YWHAH: variants seen among roughly 807,000 people sequenced by gnomAD.
YWHAH encodes the protein 14-3-3 protein eta.
Under a neutral mutation model 22.9 loss-of-function variants are expected in YWHAH, and 6 were observed. That is an observed-to-expected ratio of 0.26 (90% CI 0.14 to 0.52). YWHAH has a LOEUF of 0.52. Among genes scored for constraint, YWHAH ranks in the 20% least tolerant of loss-of-function variants. The pLI is 0.97. For synonymous variants in YWHAH, 135 were observed against 124.5 expected (o/e 1.08, Z -0.56); for missense variants, 173 against 308.6 (o/e 0.56, Z 3.29).
intron 1 of YWHAH, among the ~76,000 whole-genome samples, chr22:31,953,728 G>A (rs942984683): frequency 3.9e-5 from 6 of 152,160 alleles, no homozygotes; most frequent in African/African-American, 1.4e-4. Flanking sequence ...GATGAATAAT[G>A]AGAACCCTGG....
chr22:31,950,222 T>G, intron 1 of YWHAH: 1 of 672,820 alleles, frequency 1.5e-6, no homozygotes, highest in South Asian at 1.7e-5. Context: ...TTGGCACCAG[T>G]TGTTTCTCCA....
chr22:31,944,989 C>T, intron 1 of YWHAH, 169 bp downstream of exon 1: 1 of 1,120,520 alleles, frequency 8.9e-7, no homozygotes, highest in Non-Finnish European at 1.1e-6. Context: ...GCTGGGCGCC[C>T]CGCCACTTCC....
chr22:31,948,388 ATT>A (rs34020759), intron 1 of YWHAH, among the ~76,000 whole-genome samples: 21 of 146,270 alleles, frequency 1.4e-4, no homozygotes, highest in South Asian at 6.5e-4. Flanking sequence ...TGTGATTAGT[ATT>A]TTTTTTTTTT....
At chr22:31,954,320 A>G (rs541250634) in intron 1 of YWHAH, among the ~76,000 whole-genome samples, 43 of 152,334 alleles carry the variant, frequency 2.8e-4, no homozygotes, top group African/African-American at 9.6e-4. Context: ...ATTTAATAAA[A>G]TTAAAGACCT....
chr22:31,950,281 T>C (rs767522672), intron 1 of YWHAH: 3 of 778,806 alleles, frequency 3.9e-6, no homozygotes, highest in Non-Finnish European at 7.2e-6. Context: ...TATATTTTTA[T>C]GCAGGCCCCA....
intron 1 of YWHAH, chr22:31,945,176 A>G: frequency 2.7e-6 from 3 of 1,118,878 alleles, no homozygotes; most frequent in Non-Finnish European, 3.3e-6. Flanking sequence ...GTTTCACCGG[A>G]CCCGGGGGCT....
At chr22:31,953,715 G>A (rs2093846200) in intron 1 of YWHAH, among the ~76,000 whole-genome samples, 1 of 152,186 alleles carries the variant, frequency 6.6e-6, no homozygotes, top group African/African-American at 2.4e-5. Flanking sequence ...ATGAATATGT[G>A]AGGATGAATA....
chr22:31,952,655 C>G (rs2093844848), intron 1 of YWHAH, among the ~76,000 whole-genome samples: 1 of 152,208 alleles, frequency 6.6e-6, no homozygotes, highest in Non-Finnish European at 1.5e-5. Flanking sequence ...GATAGTGATT[C>G]ATTCAGACTG....
chr22:31,944,954 C>T, intron 1 of YWHAH, 134 bp downstream of exon 1: 2 of 1,103,596 alleles, frequency 1.8e-6, no homozygotes, highest in African/African-American at 3.5e-5. Context: ...CGCCCGCCCG[C>T]CCTTAGCCCG....
rs116907536 is a variant in YWHAH, at chr22:31,951,722, G to A, written c.88-4417G>A. ...TTTTTGACATTTAGTAATGTTGGGG[G>A]TAGTCCTGGAGCAGAGAAAATGTGT... On this transcript the variant is annotated intron_variant, in intron 1 of 1. Transcript: ENST00000248975. Among the ~76,000 whole-genome samples, 147 of 152,258 alleles carry A rather than the reference G, an allele frequency of 9.7e-4. 2 individuals are homozygous for A. The East Asian group carries it at 0.026, about 27-fold the overall frequency.
intron 1 of YWHAH, among the ~76,000 whole-genome samples, chr22:31,952,865 C>T (rs950717890): frequency 6.6e-6 from 1 of 152,118 alleles, no homozygotes; most frequent in African/African-American, 2.4e-5. Flanking sequence ...ACAGGAAAAA[C>T]GAAATCATGG....
chr22:31,956,462 C>T lies in YWHAH; in HGVS notation c.411C>T (p.Val137=), dbSNP rs749354982. ...ATTACTACCGCTACTTAGCAGAGGT[C>T]GCTTCTGGGGAGAAGAAAAACAGTG... ...KGDYYRYLAE[V]ASGEKKNSVV... The change falls in exon 2 of 2, where the codon GTC becomes GTT. Residue 137 remains valine (V), a synonymous_variant. Coordinates refer to ENST00000248975, the MANE Select transcript of YWHAH (RefSeq NM_003405.4). The surrounding 1 kb of genome is among the most constrained non-coding windows in gnomAD (Gnocchi z 5.1). 26 of 1,614,016 alleles carry T rather than the reference C, an allele frequency of 1.6e-5. No homozygotes were observed. The highest frequency in any genetic ancestry group is 1.0e-4 in the Admixed American group (6 of 60,002).
chr22:31,947,438 A>G (rs1378602879), intron 1 of YWHAH: 1 of 471,412 alleles, frequency 2.1e-6, no homozygotes, highest in Admixed American at 2.3e-5. Flanking sequence ...CCTTCCTGTA[A>G]TGATTGATGT....
chr22:31,956,443 A>G lies in YWHAH; in HGVS notation c.392A>G (p.Tyr131Cys). 1 of 1,614,182 alleles carries G rather than the reference A, an allele frequency of 6.2e-7. No individual in the cohort carries two copies. Among genetic ancestry groups the G allele is most frequent in the Non-Finnish European group, 8.5e-7 (1 of 1,180,042 alleles). ...VFYLKMKGDY[Y>C]RYLAEVASGE... The stretch of plus-strand genomic sequence containing the variant: ...TACCTGAAAATGAAGGGTGATTACT[A>G]CCGCTACTTAGCAGAGGTCGCTTCT... Residue 131 changes from tyrosine to cysteine, a missense_variant, in exon 2 of 2, where the codon TAC becomes TGC. Coordinates refer to ENST00000248975, the MANE Select transcript of YWHAH (RefSeq NM_003405.4). The surrounding 1 kb of genome is among the most constrained non-coding windows in gnomAD (Gnocchi z 5.1).
chr22:31,949,519 G>A (rs954830234), intron 1 of YWHAH, among the ~76,000 whole-genome samples: 1 of 151,444 alleles, frequency 6.6e-6, no homozygotes, highest in African/African-American at 2.4e-5. Flanking sequence ...TTGGTGGGGG[G>A]GGGAGTCATG....
chr22:31,953,364 A>T (rs896929913), intron 1 of YWHAH, among the ~76,000 whole-genome samples: 2 of 152,184 alleles, frequency 1.3e-5, no homozygotes, highest in African/African-American at 4.8e-5. Context: ...TGGAATTTTG[A>T]TTCAGAAGTG....
chr22:31,945,517 GT>G (rs1474562484), intron 1 of YWHAH: 2 of 1,304,056 alleles, frequency 1.5e-6, no homozygotes, highest in Non-Finnish European at 2.0e-6. Flanking sequence ...GAATCTGTGT[GT>G]CTTTGCATTC....
chr22:31,956,506 C>A lies in YWHAH; in HGVS notation c.455C>A (p.Ala152Asp). Residue 152 changes from alanine to aspartate, a missense_variant, in exon 2 of 2, where the codon GCT becomes GAT. By Grantham distance (126) the Ala-to-Asp change is moderately radical. Coordinates refer to ENST00000248975, the MANE Select transcript of YWHAH (RefSeq NM_003405.4). The surrounding 1 kb of genome is among the most constrained non-coding windows in gnomAD (Gnocchi z 5.1). ...AACAGTGTGGTCGAAGCTTCTGAAGCTGCCTACAAGGAAGCCTTTGAAATC... is the reference window on the plus strand; with the variant it reads ...AACAGTGTGGTCGAAGCTTCTGAAGATGCCTACAAGGAAGCCTTTGAAATC... ...KKNSVVEASEAAYKEAFEISK... is the reference protein window; with the variant it reads ...KKNSVVEASEDAYKEAFEISK... The A allele has an allele frequency of 6.2e-7, 1 of 1,614,232 alleles. No individual in the cohort carries two copies. Among genetic ancestry groups the A allele is most frequent in the Non-Finnish European group, 8.5e-7 (1 of 1,180,052 alleles).
In YWHAH at chr22:31,957,267, C is replaced by T. The variant is rs1436583594; in HGVS notation, c.*475C>T. 1 of 155,936 alleles carries T rather than the reference C, an allele frequency of 6.4e-6. No individual in the cohort carries two copies. Among genetic ancestry groups the T allele is most frequent in the African/African-American group, 2.4e-5 (1 of 41,468 alleles). The allele number at this position is 155,936 out of a possible 1,614,324, so 9.7% of individuals were successfully genotyped here. A position where few individuals can be genotyped will look rare whatever the true frequency, so the allele number is the denominator to read the frequency against. On this transcript the variant is annotated 3_prime_UTR_variant, in exon 2 of 2. Coordinates refer to ENST00000248975, the MANE Select transcript of YWHAH (RefSeq NM_003405.4). ...AAGGGAAGCTGATACAGAGAGACAA[C>T]TTGCTCCTTTCCATCAGCTTTATAA...
Sources: allele counts gnomAD v4.1 joint callset (sites outside exome capture counted in the v4.1 genomes callset), GRCh38; gene constraint gnomAD v4.1.1; non-coding constraint Gnocchi (gnomAD v3.1); transcripts MANE v1.5; gene names NCBI Gene and HGNC (gene_info 2026-07-23, HGNC 2026-07-21).